FAM107B: variants seen among roughly 807,000 people sequenced by gnomAD.
FAM107B encodes protein FAM107B.
FAM107B carries 21 observed loss-of-function variants against 31.5 expected under a neutral mutation model. The ratio of observed to expected loss-of-function variants is 0.67; its 90% CI spans 0.47 to 0.96. FAM107B has a LOEUF of 0.96. FAM107B is among the 40% of genes least tolerant of loss of function. FAM107B has a pLI of 0.00. For synonymous variants in FAM107B, 157 were observed against 141.5 expected, an observed-to-expected ratio of 1.11 and a Z score of -0.78; for missense variants, 452 against 377.1, an observed-to-expected ratio of 1.20 and a Z score of -1.64.
chr10:14,700,827 C>CAAAAAA (rs1159035034), intron 1 of FAM107B, among the ~76,000 whole-genome samples: 1 of 76,010 alleles, frequency 1.3e-5, no homozygotes, highest in Non-Finnish European at 2.3e-5. Flanking sequence ...TGGCAAGAGG[C>CAAAAAA]AAAAAAAAAA....
chr10:14,713,452 G>A (rs1023516708), intron 1 of FAM107B, among the ~76,000 whole-genome samples: 2 of 152,210 alleles, frequency 1.3e-5, no homozygotes, highest in Non-Finnish European at 2.9e-5. Flanking sequence ...TCTTTGAGCA[G>A]GAAGAACTGG....
At chr10:14,593,476 G>A (rs943366145) in intron 2 of FAM107B, among the ~76,000 whole-genome samples, 5 of 152,082 alleles carry the variant, frequency 3.3e-5, no homozygotes, top group East Asian at 1.9e-4. Context: ...CCAGGAATTC[G>A]AGACCAGCCT....
rs142612345 is a variant in FAM107B, at chr10:14,553,225, C to G, written c.470-22710G>C. ...AGAGAATACAAATTAAAGATGACTTCAATAATTATATCTGTTCACAGGTAA... is the reference window on the plus strand; with the variant it reads ...AGAGAATACAAATTAAAGATGACTTGAATAATTATATCTGTTCACAGGTAA... On this transcript the variant is annotated intron_variant, in intron 2 of 4. Coordinates refer to ENST00000181796, the MANE Select transcript of FAM107B (RefSeq NM_031453.4). 2.7e-4 allele frequency: 118 copies of G among 443,230 alleles called. 1 individual carries two copies. The highest frequency in any genetic ancestry group is 2.3e-3 in the African/African-American group (107 of 46,790). 27.5% of individuals were successfully genotyped at this position (443,230 alleles called of 1,614,324 possible).
intron 1 of FAM107B, among the ~76,000 whole-genome samples, chr10:14,675,915 T>A (rs1468586586): frequency 6.6e-6 from 1 of 152,130 alleles, no homozygotes; most frequent in Non-Finnish European, 1.5e-5. Flanking sequence ...CCCAGCATCT[T>A]GGGAGGCCAA....
At chr10:14,633,176 G>A (rs1192928997) in intron 2 of FAM107B, among the ~76,000 whole-genome samples, 1 of 149,160 alleles carries the variant, frequency 6.7e-6, no homozygotes, top group Non-Finnish European at 1.5e-5. Context: ...TCCAGCCTGG[G>A]TGATAGAGAC....
intron 3 of FAM107B, among the ~76,000 whole-genome samples, chr10:14,523,675 A>G (rs1196729072): frequency 6.6e-6 from 1 of 152,204 alleles, no homozygotes; most frequent in East Asian, 1.9e-4. Context: ...GGCCAGAGAA[A>G]TTCAACAGCA....
intron 2 of FAM107B, among the ~76,000 whole-genome samples, chr10:14,602,280 T>C (rs920476142): frequency 6.6e-6 from 1 of 152,236 alleles, no homozygotes; most frequent in African/African-American, 2.4e-5. Context: ...CAGCCACAAC[T>C]TCCTTCTTGT....
At chr10:14,624,747 A>G (rs963987857) in intron 2 of FAM107B, among the ~76,000 whole-genome samples, 2 of 152,238 alleles carry the variant, frequency 1.3e-5, no homozygotes, top group Admixed American at 1.3e-4. Flanking sequence ...AAATAACTAA[A>G]GCAGCTGGCA....
intron 1 of FAM107B, among the ~76,000 whole-genome samples, chr10:14,707,074 C>T (rs751704046): frequency 2.6e-5 from 4 of 151,734 alleles, no homozygotes; most frequent in African/African-American, 9.7e-5. Flanking sequence ...TGCAGTGAGC[C>T]GAGATCGTGC....
intron 2 of FAM107B, among the ~76,000 whole-genome samples, chr10:14,622,974 G>A (rs982609855): frequency 6.6e-6 from 1 of 152,182 alleles, no homozygotes; most frequent in Non-Finnish European, 1.5e-5. Flanking sequence ...GGAATGTGGA[G>A]AGAATTGCAA....
intron 2 of FAM107B, among the ~76,000 whole-genome samples, chr10:14,645,309 T>G (rs890644651): frequency 3.3e-5 from 5 of 152,178 alleles, no homozygotes; most frequent in Non-Finnish European, 5.9e-5. Context: ...ACTTTATAAA[T>G]CTTCCAGGGG....
At chr10:14,645,558 G>A (rs1467956670) in intron 2 of FAM107B, among the ~76,000 whole-genome samples, 1 of 152,146 alleles carries the variant, frequency 6.6e-6, no homozygotes, top group East Asian at 1.9e-4. Context: ...CTGAGCACAG[G>A]ACCCTGGAGA....
chr10:14,521,129 T>G lies in FAM107B; in HGVS notation c.*61A>C. 7.6e-7 allele frequency: 1 copy of G among 1,315,314 alleles called. No homozygotes were observed. The highest frequency in any genetic ancestry group is 1.1e-6 in the Non-Finnish European group (1 of 933,278). 81.5% of individuals were successfully genotyped at this position (1,315,314 alleles called of 1,614,324 possible). A position where few individuals can be genotyped will look rare whatever the true frequency, so the allele number is the denominator to read the frequency against. ...TCTCCAGGGGCTTTTGCCCTGAGATTGAGAAGGCACCCACAGACAGCTCTG... is the reference window on the plus strand; with the variant it reads ...TCTCCAGGGGCTTTTGCCCTGAGATGGAGAAGGCACCCACAGACAGCTCTG... On this transcript the variant is annotated 3_prime_UTR_variant, in exon 5 of 5. Transcript: ENST00000181796.
chr10:14,522,256 C>G, intron 3 of FAM107B: 1 of 535,846 alleles, frequency 1.9e-6, no homozygotes, highest in East Asian at 3.5e-5. Flanking sequence ...ATGTATTGGC[C>G]ACGTGCCATG....
intron 3 of FAM107B, chr10:14,522,228 T>A: frequency 1.6e-6 from 1 of 631,064 alleles, no homozygotes; most frequent in Non-Finnish European, 2.7e-6. Flanking sequence ...GTACATAAAA[T>A]CCATTCATTC....
chr10:14,620,535 T>A (rs1852982788), intron 2 of FAM107B, among the ~76,000 whole-genome samples: 1 of 98,286 alleles, frequency 1.0e-5, no homozygotes, highest in Admixed American at 1.0e-4. Context: ...CTTACTGTAT[T>A]TTTTTTATTA....
chr10:14,725,975 A>G (rs1856025293), intron 1 of FAM107B, among the ~76,000 whole-genome samples: 1 of 151,444 alleles, frequency 6.6e-6, no homozygotes, highest in African/African-American at 2.4e-5. Flanking sequence ...ACAGGCATGC[A>G]GCATCACACC....
chr10:14,525,091 G>T (rs1846077985), intron 3 of FAM107B, among the ~76,000 whole-genome samples: 1 of 152,184 alleles, frequency 6.6e-6, no homozygotes, highest in African/African-American at 2.4e-5. Flanking sequence ...TTAACTTTCT[G>T]TGCTGAATGC....
At position 14,724,658 on chromosome 10, in the gene FAM107B, G is replaced by A. The variant is rs149426301; in HGVS notation, c.411+49595C>T. Among the ~76,000 whole-genome samples the A allele has an allele frequency of 3.5e-3, 529 of 152,012 alleles. 12 individuals are homozygous for A. The East Asian group carries it at 0.046, about 13-fold the overall frequency. On this transcript the variant is annotated intron_variant, in intron 1 of 4. Coordinates refer to ENST00000181796, the MANE Select transcript of FAM107B (RefSeq NM_031453.4). Reference sequence around the variant, plus strand: ...TCAGGAGGAGAGCGTTCCCTAGGATGAGAAGCTTAGACCAGAACCATCCCA... The same window carrying A: ...TCAGGAGGAGAGCGTTCCCTAGGATAAGAAGCTTAGACCAGAACCATCCCA...
Sources: gnomAD v4.1 joint callset for allele counts (sites outside exome capture counted in the v4.1 genomes callset) on GRCh38, gnomAD v4.1.1 for gene constraint, MANE v1.5 for transcripts, NCBI Gene and HGNC (gene_info 2026-07-23, HGNC 2026-07-21) for gene names.